Variants in VIL1 observed in about 807,000 individuals in gnomAD.
The protein encoded by VIL1 is villin 1, also known as villin-1.
VIL1 carries 86 observed loss-of-function variants against 104.0 expected under a neutral mutation model. The ratio of observed to expected loss-of-function variants is 0.83; its 90% CI spans 0.69 to 0.99. The LOEUF (loss-of-function observed/expected upper bound fraction) is 0.99, where lower values mean the gene tolerates loss of function less well. Ranked by LOEUF, VIL1 falls within the 50% of genes least tolerant of loss-of-function variation. The pLI, the probability that VIL1 is intolerant of heterozygous loss-of-function variation, is 0.00. For synonymous variants in VIL1, 394 were observed against 412.6 expected (o/e 0.95, Z 0.55); for missense variants, 944 against 1,054.1 (o/e 0.90, Z 1.45).
At chr2:218,425,208 G>T (rs1426639056) in intron 3 of VIL1, among the ~76,000 whole-genome samples, 2 of 152,162 alleles carry the variant, frequency 1.3e-5, no homozygotes, top group African/African-American at 4.8e-5. Context: ...AGCCTCCTGA[G>T]TAGCTGGGAT....
At chr2:218,442,330 GC>G (rs1190065916) in intron 19 of VIL1, among the ~76,000 whole-genome samples, 1 of 152,164 alleles carries the variant, frequency 6.6e-6, no homozygotes, top group Non-Finnish European at 1.5e-5. Flanking sequence ...CAGTGGGCAA[GC>G]AATTCAGAGG....
At chr2:218,436,390 A>G (rs1479198086) in intron 15 of VIL1, 92 bp from the exon 16 acceptor site, 5 of 1,508,712 alleles carry the variant, frequency 3.3e-6, no homozygotes, top group Non-Finnish European at 4.5e-6. Context: ...TGACCTTTCT[A>G]TGCCAGAGTC....
chr2:218,438,901 C>T (rs1478825223), intron 18 of VIL1, among the ~76,000 whole-genome samples, 175 bp downstream of exon 18: 2 of 149,136 alleles, frequency 1.3e-5, no homozygotes, highest in Admixed American at 6.7e-5. Flanking sequence ...TTTGTTTCCT[C>T]AATTTCCTAG....
intron 13 of VIL1, 81 bp from the exon 14 acceptor site, chr2:218,434,445 C>A: frequency 2.1e-6 from 3 of 1,454,252 alleles, no homozygotes; most frequent in Non-Finnish European, 2.8e-6. Flanking sequence ...CCCGCCCTAC[C>A]CTATCCCCCT....
At position 218,435,341 on chromosome 2, in the gene VIL1, C is replaced by A; in HGVS notation, c.1733C>A (p.Ser578Tyr). 6.2e-7 allele frequency: 1 copy of A among 1,614,078 alleles called. No individual in the cohort carries two copies. The change falls in exon 15 of 20, where the codon TCC becomes TAC. Residue 578 changes from serine to tyrosine, a missense_variant. Transcript: ENST00000248444. Reference sequence around the variant, plus strand: ...GCCAAGATGGTTGCTGACACCATCTCCCGGACGGAGAAGCAAGTGGTGGTG... The same window carrying A: ...GCCAAGATGGTTGCTGACACCATCTACCGGACGGAGAAGCAAGTGGTGGTG... ...EMAKMVADTI[S>Y]RTEKQVVVEG...
intron 10 of VIL1, 43 bp downstream of exon 10, chr2:218,430,921 G>A: frequency 1.3e-6 from 2 of 1,585,106 alleles, no homozygotes; most frequent in Non-Finnish European, 1.7e-6. Flanking sequence ...GGATCCAGGA[G>A]CTGGGCCAGG....
Position 218,425,674 on chromosome 2 carries a change from A to T in VIL1, c.210A>T (p.Ser70=). The change falls in exon 4 of 20, where the codon TCA becomes TCT. Residue 70 remains serine, a synonymous_variant. Coordinates refer to ENST00000248444, the MANE Select transcript of VIL1 (RefSeq NM_007127.3). Reference sequence around the variant, plus strand: ...TCCACTACTGGATTGGCCAGGACTCATCCCTGGATGAGCAGGGGGCAGCTG... The same window carrying T: ...TCCACTACTGGATTGGCCAGGACTCTTCCCTGGATGAGCAGGGGGCAGCTG... ...YDIHYWIGQD[S]SLDEQGAAAI... is the part of the protein sequence containing the mutation. The T allele has an allele frequency of 6.2e-7, 1 of 1,614,164 alleles. No individual in the cohort carries two copies. The highest frequency in any genetic ancestry group is 8.5e-7 in the Non-Finnish European group (1 of 1,180,028).
At chr2:218,426,803 C>T (rs529760171) in intron 4 of VIL1, among the ~76,000 whole-genome samples, 19 of 152,018 alleles carry the variant, frequency 1.2e-4, no homozygotes, top group South Asian at 2.1e-4. Context: ...AGGGTTTCAC[C>T]GTGTTAGCCA....
rs114723603 is a variant in VIL1 at position 218,439,945 on chromosome 2, A to G, written c.2230-777A>G. On this transcript the variant is annotated intron_variant, in intron 18 of 19. Coordinates refer to ENST00000248444, the MANE Select transcript of VIL1 (RefSeq NM_007127.3). Reference sequence around the variant, plus strand: ...AAGTTCACAGGCTTATAGAGAGAACAAGACAGAGCTAACTCTGAGGAATGT... The same window carrying G: ...AAGTTCACAGGCTTATAGAGAGAACGAGACAGAGCTAACTCTGAGGAATGT... Among the ~76,000 whole-genome samples, 819 of 152,332 alleles carry G rather than the reference A, an allele frequency of 5.4e-3. 5 individuals carry two copies. The highest frequency in any genetic ancestry group is 0.012 in the Admixed American group (181 of 15,294).
At chr2:218,438,926 A>ATTTTT (rs34676834) in intron 18 of VIL1, among the ~76,000 whole-genome samples, 200 bp downstream of exon 18, 4 of 107,656 alleles carry the variant, frequency 3.7e-5, no homozygotes, top group East Asian at 5.4e-4. Context: ...ATGGTTCTCA[A>ATTTTT]TTTTTTTTTT....
chr2:218,429,267 C>A lies in VIL1; in HGVS notation c.568-18C>A, dbSNP rs1047998868. ...TTCCCCGACTACTCCCGATGGGTCACCAGGGGCCTTCCTGCAGGGCATGAC... is the reference window on the plus strand; with the variant it reads ...TTCCCCGACTACTCCCGATGGGTCAACAGGGGCCTTCCTGCAGGGCATGAC... On this transcript the variant is annotated intron_variant, in intron 6 of 19. Transcript: ENST00000248444. 1 of 1,603,630 alleles carries A rather than the reference C, an allele frequency of 6.2e-7. No homozygotes were observed. Among genetic ancestry groups the A allele is most frequent in the South Asian group, 1.1e-5 (1 of 89,604 alleles).
In VIL1 at chr2:218,438,711, G is replaced by A; in HGVS notation, c.2214G>A (p.Trp738Ter). The A allele has an allele frequency of 1.2e-6, 2 of 1,612,148 alleles. No individual in the cohort carries two copies. Among genetic ancestry groups the A allele is most frequent in the Non-Finnish European group, 1.7e-6 (2 of 1,179,618 alleles). The change falls in exon 18 of 20, where the codon TGG (tryptophan) becomes TGA (stop). Residue 738 changes from tryptophan to a stop codon, truncating the protein, a stop_gained. Coordinates refer to ENST00000248444, the MANE Select transcript of VIL1 (RefSeq NM_007127.3). LOFTEE classifies it high-confidence loss of function. ...CGGAGCTTGGCAACTCTAGGGACTG[G>A]AGCCAGATCACTGCTGTGAGTCCGG... ...LKAELGNSRD[W>*]SQITAEVTSP...
At chr2:218,427,860 C>T (rs1689028766) in intron 4 of VIL1, 105 bp from the exon 5 acceptor site, 1 of 1,043,134 alleles carries the variant, frequency 9.6e-7, no homozygotes, top group African/African-American at 1.6e-5. Context: ...CCTACTCCCA[C>T]CCTGGCCCTC....
At position 218,452,740 on chromosome 2, in the gene VIL1, G is replaced by A. The variant is rs1259502172; in HGVS notation, c.*3404G>A. 1 of 152,166 alleles carries A rather than the reference G, an allele frequency of 6.6e-6. No individual in the cohort carries two copies. Among genetic ancestry groups the A allele is most frequent in the Non-Finnish European group, 1.5e-5 (1 of 68,034 alleles). 9.4% of individuals were successfully genotyped at this position (152,166 alleles called of 1,614,324 possible). A position where few individuals can be genotyped will look rare whatever the true frequency, so the allele number is the denominator to read the frequency against. ...CTTCATGAGGCAATCTAGACTTATGGCATTATTTCTACTTTTCTCCATGTT... is the reference window on the plus strand; with the variant it reads ...CTTCATGAGGCAATCTAGACTTATGACATTATTTCTACTTTTCTCCATGTT... On this transcript the variant is annotated 3_prime_UTR_variant, in exon 20 of 20. Coordinates refer to ENST00000248444, the MANE Select transcript of VIL1 (RefSeq NM_007127.3).
chr2:218,440,472 G>A (rs61670831), intron 18 of VIL1, among the ~76,000 whole-genome samples: 6,231 of 152,190 alleles, frequency 0.041, 171 homozygotes, highest in East Asian at 0.13. Flanking sequence ...GTTTCACCAT[G>A]TTAGACAGGC....
intron 18 of VIL1, among the ~76,000 whole-genome samples, chr2:218,440,499 AC>A (rs1689268275): frequency 6.6e-6 from 1 of 152,072 alleles, no homozygotes; most frequent in African/African-American, 2.4e-5. Context: ...TGAACTCCTG[AC>A]CTCAAGTGAT....
At position 218,434,583 on chromosome 2, in the gene VIL1, G is replaced by A. The variant is rs753773368; in HGVS notation, c.1558G>A (p.Val520Ile). 2 of 1,614,002 alleles carry A rather than the reference G, an allele frequency of 1.2e-6. No homozygotes were observed. Among genetic ancestry groups the A allele is most frequent in the African/African-American group, 1.3e-5 (1 of 74,900 alleles). ...CGGGCCCTCCACACGGCTGTTCCAG[G>A]TCCAGGGAACTGGCGCCAACAACAC... ...ETGPSTRLFQ[V>I]QGTGANNTKA... The change falls in exon 14 of 20, where the codon GTC becomes ATC. Residue 520 changes from valine to isoleucine, a missense_variant. Coordinates refer to ENST00000248444, the MANE Select transcript of VIL1 (RefSeq NM_007127.3).
At chr2:218,426,809 A>G (rs544113425) in intron 4 of VIL1, among the ~76,000 whole-genome samples, 15 of 151,588 alleles carry the variant, frequency 9.9e-5, no homozygotes, top group East Asian at 3.9e-4. Flanking sequence ...TCACCGTGTT[A>G]GCCAGGATGG....
intron 17 of VIL1, 133 bp downstream of exon 17, chr2:218,437,445 G>A (rs548575438): frequency 1.6e-6 from 2 of 1,230,084 alleles, no homozygotes; most frequent in South Asian, 3.1e-5. Flanking sequence ...GCTTAGAATA[G>A]AAAGTAAGGC....
Sources: allele counts gnomAD v4.1 joint callset (sites outside exome capture counted in the v4.1 genomes callset), GRCh38; gene constraint gnomAD v4.1.1; transcripts MANE v1.5; gene names NCBI Gene and HGNC (gene_info 2026-07-23, HGNC 2026-07-21).